The following NRG4 variants were observed in gnomAD, a reference collection of about 807,000 sequenced individuals.
NRG4 encodes the protein neuregulin 4, also known as pro-neuregulin-4, membrane-bound isoform.
Under a neutral mutation model 15.0 loss-of-function variants are expected in NRG4, and 10 were observed. The observed-to-expected ratio is 0.67, with a 90% CI of 0.41 to 1.13. The LOEUF is 1.13. Ranked by LOEUF, NRG4 falls within the 50% of genes most tolerant of loss-of-function variation. NRG4 has a pLI of 0.00. For synonymous variants in NRG4, 41 were observed against 50.1 expected (o/e 0.82, Z 0.77); for missense variants, 139 against 140.2 (o/e 0.99, Z 0.04).
chr15:75,978,950 T>C (rs1221872902), intron 3 of NRG4, among the ~76,000 whole-genome samples: 1 of 152,218 alleles, frequency 6.6e-6, no homozygotes, highest in East Asian at 1.9e-4. Flanking sequence ...ATATCTCCAC[T>C]TTTTTCATCA....
intron 3 of NRG4, among the ~76,000 whole-genome samples, chr15:75,974,439 TC>T (rs1191670424): frequency 6.6e-6 from 1 of 152,218 alleles, no homozygotes; most frequent in Non-Finnish European, 1.5e-5. Flanking sequence ...GCTTCCTCGT[TC>T]TTTTCATTGT....
intron 5 of NRG4, among the ~76,000 whole-genome samples, chr15:76,022,784 T>A (rs2035197432): frequency 6.6e-6 from 1 of 151,910 alleles, no homozygotes; most frequent in South Asian, 2.1e-4. Flanking sequence ...AGCAAGGGAG[T>A]GACATGATTA....
At chr15:75,968,812 T>C (rs79798377) in intron 3 of NRG4, among the ~76,000 whole-genome samples, 6,009 of 152,122 alleles carry the variant, frequency 0.04, 214 homozygotes, top group African/African-American at 0.094. Context: ...AAAAAGTACA[T>C]ATATGTTTTT....
chr15:75,998,396 A>G (rs540038061), intron 3 of NRG4, among the ~76,000 whole-genome samples: 3 of 152,290 alleles, frequency 2.0e-5, no homozygotes, highest in East Asian at 3.9e-4. Flanking sequence ...AGTGAAGACT[A>G]AAAGGATGAG....
intron 5 of NRG4, among the ~76,000 whole-genome samples, chr15:76,032,868 AG>A (rs1225013013): frequency 1.3e-5 from 2 of 152,274 alleles, no homozygotes; most frequent in African/African-American, 4.8e-5. Flanking sequence ...AGGCAGTTAG[AG>A]TAAAATATCA....
intron 3 of NRG4, among the ~76,000 whole-genome samples, chr15:75,966,573 GA>G (rs143179107): frequency 1.3e-5 from 2 of 151,926 alleles, no homozygotes; most frequent in Non-Finnish European, 2.9e-5. Flanking sequence ...TTATTTCTCA[GA>G]AAAAAACCCC....
At chr15:75,974,733 T>A (rs894422786) in intron 3 of NRG4, among the ~76,000 whole-genome samples, 1 of 152,208 alleles carries the variant, frequency 6.6e-6, no homozygotes, top group Admixed American at 6.5e-5. Context: ...CTGTTACGAT[T>A]TTCATTCTTT....
At chr15:76,057,338 A>C (rs1222132007) in intron 1 of NRG4, 2 of 152,124 alleles carry the variant, frequency 1.3e-5, no homozygotes, top group Non-Finnish European at 2.9e-5. Flanking sequence ...ACAGAATCTG[A>C]TTTTAAGCAA....
chr15:76,044,179 T>C (rs993593521), intron 4 of NRG4, among the ~76,000 whole-genome samples: 3 of 150,756 alleles, frequency 2.0e-5, no homozygotes, highest in Non-Finnish European at 4.4e-5. Flanking sequence ...TTTTTTTGTA[T>C]TTTTAGTAGA....
intron 3 of NRG4, among the ~76,000 whole-genome samples, chr15:75,990,708 T>C (rs972213399): frequency 1.4e-5 from 2 of 138,062 alleles, no homozygotes; most frequent in African/African-American, 5.5e-5. Flanking sequence ...TGAGACAGGG[T>C]CTATGCTCCG....
At chr15:75,982,487 G>C (rs2033644498) in intron 3 of NRG4, among the ~76,000 whole-genome samples, 1 of 152,178 alleles carries the variant, frequency 6.6e-6, no homozygotes, top group African/African-American at 2.4e-5. Flanking sequence ...GGTATGACTA[G>C]CTAAGATGCT....
At chr15:76,011,815 C>A (rs1483391200) in intron 1 of NRG4, among the ~76,000 whole-genome samples, 1 of 151,960 alleles carries the variant, frequency 6.6e-6, no homozygotes, top group East Asian at 1.9e-4. Context: ...ATGTAACAAA[C>A]CTGCACGTCC....
At chr15:76,043,521 G>T (rs1362084239) in intron 4 of NRG4, among the ~76,000 whole-genome samples, 1 of 152,122 alleles carries the variant, frequency 6.6e-6, no homozygotes, top group African/African-American at 2.4e-5. Flanking sequence ...AACTGAAAAT[G>T]AAATCAAGAA....
chr15:76,044,939 T>G (rs2035835848), intron 4 of NRG4, among the ~76,000 whole-genome samples: 1 of 149,832 alleles, frequency 6.7e-6, no homozygotes. Flanking sequence ...AAAAGGTTTC[T>G]ACACAGCAAA....
intron 3 of NRG4, among the ~76,000 whole-genome samples, chr15:75,996,862 C>T (rs1468750638): frequency 1.3e-5 from 2 of 152,012 alleles, no homozygotes; most frequent in Non-Finnish European, 2.9e-5. Flanking sequence ...TATAAATATC[C>T]ATATTACACA....
upstream of NRG4, chr15:76,059,849 C>T (rs1207880408): frequency 6.9e-6 from 1 of 145,316 alleles, no homozygotes. Context: ...CGGGCTCGGC[C>T]AAGCCGCCGG....
intron 4 of NRG4, among the ~76,000 whole-genome samples, chr15:76,043,987 A>G (rs1184115054): frequency 6.6e-6 from 1 of 152,162 alleles, no homozygotes; most frequent in East Asian, 1.9e-4. Context: ...AAATCCATAC[A>G]TGAACTAATT....
At chr15:75,950,311 TAA>T (rs1310965850) in intron 5 of NRG4, among the ~76,000 whole-genome samples, 2 of 152,214 alleles carry the variant, frequency 1.3e-5, no homozygotes, top group Non-Finnish European at 2.9e-5. Flanking sequence ...AATTTTAAGA[TAA>T]GTTTATTAAG....
At chr15:76,057,727 C>A (rs1204179765) in intron 1 of NRG4, among the ~76,000 whole-genome samples, 1 of 151,958 alleles carries the variant, frequency 6.6e-6, no homozygotes, top group Non-Finnish European at 1.5e-5. Context: ...ACTCGGATTA[C>A]TCAGAAAAGG....
Sources: gnomAD v4.1 joint callset for allele counts (sites outside exome capture counted in the v4.1 genomes callset) on GRCh38, gnomAD v4.1.1 for gene constraint, MANE v1.5 for transcripts, NCBI Gene and HGNC (gene_info 2026-07-23, HGNC 2026-07-21) for gene names.